Variants in DTX2 observed in about 807,000 individuals in gnomAD.
DTX2 encodes probable E3 ubiquitin-protein ligase DTX2.
Under a neutral mutation model 55.3 loss-of-function variants are expected in DTX2, and 29 were observed. That is an observed-to-expected ratio of 0.52 (90% confidence interval 0.39 to 0.71). DTX2 has a LOEUF of 0.71. Ranked by LOEUF, DTX2 falls within the 30% of genes least tolerant of loss-of-function variation. The pLI, the probability that DTX2 is intolerant of heterozygous loss-of-function variation, is 0.00. For synonymous variants in DTX2, 276 were observed against 340.4 expected (o/e 0.81, Z 2.08); for missense variants, 537 against 822.5 (o/e 0.65, Z 4.25).
chr7:76,474,006 C>A (rs1312193554), intron 2 of DTX2, among the ~76,000 whole-genome samples: 1 of 137,548 alleles, frequency 7.3e-6, no homozygotes, highest in Admixed American at 7.4e-5. Flanking sequence ...ACTGCAACCT[C>A]CACCTCCCGG....
intron 2 of DTX2, among the ~76,000 whole-genome samples, chr7:76,469,086 A>G (rs1353263841): frequency 7.2e-6 from 1 of 138,670 alleles, no homozygotes; most frequent in Non-Finnish European, 1.6e-5. Flanking sequence ...TTTTGTTCAT[A>G]AAGTTATATT....
intron 2 of DTX2, among the ~76,000 whole-genome samples, chr7:76,471,407 C>T (rs1200102419): frequency 2.0e-5 from 3 of 150,852 alleles, no homozygotes; most frequent in East Asian, 2.0e-4. Context: ...GTGATCCGCC[C>T]GCCTTGGCCT....
At chr7:76,474,267 C>G (rs977727374) in intron 2 of DTX2, among the ~76,000 whole-genome samples, 1 of 146,448 alleles carries the variant, frequency 6.8e-6, no homozygotes, top group African/African-American at 2.6e-5. Flanking sequence ...GTTGCCCAGA[C>G]TGGTCTCAAA....
rs1811796785 is a variant in DTX2 at position 76,502,277 on chromosome 7, C to A, written c.1231-21C>A. The A allele has an allele frequency of 1.9e-6, 3 of 1,588,274 alleles. No individual in the cohort carries two copies. In the East Asian group the frequency reaches 6.8e-5, roughly 36 times the overall value. On this transcript the variant is annotated intron_variant, in intron 7 of 10. Coordinates refer to ENST00000430490, the MANE Select transcript of DTX2 (RefSeq NM_001102594.3). ...CCCAGCCCACTGTTGGCGAGCATGA[C>A]CCATGTTTGGTCTCCTCCAGGACTG...
intron 2 of DTX2, 98 bp from the exon 3 acceptor site, chr7:76,480,323 A>T: frequency 1.4e-6 from 1 of 694,122 alleles, no homozygotes; most frequent in South Asian, 2.5e-5. Flanking sequence ...AAAAAAAATC[A>T]GCTGTGGAAA....
chr7:76,469,803 A>G (rs984856884), intron 2 of DTX2, among the ~76,000 whole-genome samples: 1 of 151,394 alleles, frequency 6.6e-6, no homozygotes, highest in African/African-American at 2.4e-5. Flanking sequence ...TCTTGGTGGG[A>G]AAGACAGGAA....
intron 3 of DTX2, among the ~76,000 whole-genome samples, chr7:76,481,352 A>G (rs556128089): frequency 1.7e-4 from 26 of 151,896 alleles, no homozygotes; most frequent in Non-Finnish European, 3.2e-4. Flanking sequence ...ACACCTGGCT[A>G]ATTTTTGTAT....
intron 2 of DTX2, among the ~76,000 whole-genome samples, chr7:76,469,394 C>CTTT (rs145065555): frequency 2.7e-5 from 3 of 112,538 alleles, no homozygotes; most frequent in Non-Finnish European, 5.2e-5. Flanking sequence ...GTGAATATTC[C>CTTT]TTTTTTTTTT....
In DTX2 at chr7:76,488,821, G is replaced by A. The variant is rs1408590165; in HGVS notation, c.909-3332G>A. Among the ~76,000 whole-genome samples, 8 of 84,266 alleles carry A rather than the reference G, an allele frequency of 9.5e-5. 2 individuals carry two copies. The highest frequency in any genetic ancestry group is 1.7e-4 in the African/African-American group (3 of 17,324). The allele number at this position is 84,266 out of a possible 152,430, so 55.3% of individuals were successfully genotyped here. On this transcript the variant is annotated intron_variant, in intron 4 of 10. Coordinates refer to ENST00000430490, the MANE Select transcript of DTX2 (RefSeq NM_001102594.3). ...TGAGGCAGGAGAATTGCTTGAGCCCGGGAGGCAGAGAGGTTGCAGTGAGCC... is the reference window on the plus strand; with the variant it reads ...TGAGGCAGGAGAATTGCTTGAGCCCAGGAGGCAGAGAGGTTGCAGTGAGCC...
intron 3 of DTX2, among the ~76,000 whole-genome samples, chr7:76,481,845 T>C (rs1235144022): frequency 9.2e-6 from 1 of 108,760 alleles, no homozygotes; most frequent in Admixed American, 9.3e-5. Context: ...GTTTTTTTTT[T>C]TCGTGTTTGT....
intron 6 of DTX2, among the ~76,000 whole-genome samples, chr7:76,497,776 C>T (rs1387660917): frequency 6.6e-6 from 1 of 150,640 alleles, no homozygotes; most frequent in Non-Finnish European, 1.5e-5. Flanking sequence ...AGGCGGCGCC[C>T]GGCTCAGGAT....
At chr7:76,498,630 C>T (rs1463953012) in intron 6 of DTX2, among the ~76,000 whole-genome samples, 2 of 124,488 alleles carry the variant, frequency 1.6e-5, no homozygotes, top group Admixed American at 1.6e-4. Context: ...CCCAGGCTCA[C>T]CCGGAGATGG....
intron 10 of DTX2, among the ~76,000 whole-genome samples, chr7:76,504,850 T>A (rs1468255323): frequency 1.3e-5 from 2 of 151,616 alleles, no homozygotes; most frequent in African/African-American, 2.4e-5. Context: ...TGGGAGCCCG[T>A]GGTGTGGGTG....
Position 76,502,364 on chromosome 7 carries a change from G to C in DTX2, c.1297G>C (p.Ala433Pro), listed in dbSNP as rs746628260. The change falls in exon 8 of 11, where the codon GCA (alanine) becomes CCA (proline). Residue 433 changes from alanine to proline, a missense_variant. Physicochemically the swap from Ala to Pro is conservative, Grantham distance 27. Transcript: ENST00000430490. Reference protein sequence around the residue: ...SGYSDVTDSKAIGSLAVGHLT... With the variant: ...SGYSDVTDSKPIGSLAVGHLT... ...ATACAGCGATGTGACTGACAGCAAG[G>C]CAATCGGGTCCCTAGCTGTGGGCCA... 2 of 1,612,196 alleles carry C rather than the reference G, an allele frequency of 1.2e-6. No individual in the cohort carries two copies. Among genetic ancestry groups the C allele is most frequent in the Non-Finnish European group, 1.7e-6 (2 of 1,179,818 alleles).
intron 7 of DTX2, chr7:76,501,890 T>A (rs1811738366): frequency 9.3e-6 from 1 of 107,372 alleles, no homozygotes; most frequent in Non-Finnish European, 1.9e-5. Flanking sequence ...GGAATGGACT[T>A]TTTTTTTTTT....
At position 76,505,265 on chromosome 7, in the gene DTX2, C is replaced by G. The variant is rs373888603; in HGVS notation, c.1642-109C>G. The G allele has an allele frequency of 2.1e-6, 2 of 933,996 alleles. No homozygotes were observed. Among genetic ancestry groups the G allele is most frequent in the Admixed American group, 2.1e-5 (1 of 46,698 alleles). 57.9% of individuals were successfully genotyped at this position (933,996 alleles called of 1,614,324 possible). ...GAGTGCCAGGGAGTGGATGAGTCAC[C>G]TGGGAGGGGCTGGGATGGGAAGAAC... is the stretch of plus-strand genomic sequence containing the variant. On this transcript the variant is annotated intron_variant, in intron 10 of 10. Transcript: ENST00000430490. The surrounding 1 kb of genome is among the most constrained non-coding windows in gnomAD (Gnocchi z 4.4).
chr7:76,504,900 G>A (rs1408280917), intron 10 of DTX2, among the ~76,000 whole-genome samples: 2 of 152,106 alleles, frequency 1.3e-5, no homozygotes, highest in Admixed American at 6.5e-5. Context: ...CAGGGGTAGA[G>A]CTGGTTCTGA....
Position 76,480,354 on chromosome 7 carries a change from C to T in DTX2, c.-89-67C>T, listed in dbSNP as rs569326734. Reference sequence around the variant, plus strand: ...GGAAAAGCATCACGTGTTTCCCCTGCGCTGAGGCTGATTCTGCAGGGCTAC... The same window carrying T: ...GGAAAAGCATCACGTGTTTCCCCTGTGCTGAGGCTGATTCTGCAGGGCTAC... On this transcript the variant is annotated intron_variant, in intron 2 of 10. Coordinates refer to ENST00000430490, the MANE Select transcript of DTX2 (RefSeq NM_001102594.3). 191 of 1,004,236 alleles carry T rather than the reference C, an allele frequency of 1.9e-4. 1 individual carries two copies. In the South Asian group the frequency reaches 2.4e-3, roughly 12 times the overall value. The allele number at this position is 1,004,236 out of a possible 1,614,324, so 62.2% of individuals were successfully genotyped here.
At chr7:76,502,799 T>G in intron 8 of DTX2, 1 of 361,248 alleles carries the variant, frequency 2.8e-6, no homozygotes, top group Non-Finnish European at 5.2e-6. Context: ...GTCTCCCTTC[T>G]TCCTTACAGC....
Sources: gnomAD v4.1 joint callset for allele counts (sites outside exome capture counted in the v4.1 genomes callset) on GRCh38, gnomAD v4.1.1 for gene constraint, Gnocchi (gnomAD v3.1) non-coding constraint, MANE v1.5 for transcripts, NCBI Gene and HGNC (gene_info 2026-07-23, HGNC 2026-07-21) for gene names.